WDPCP: variants seen among roughly 807,000 people sequenced by gnomAD.
WDPCP encodes WD repeat containing planar cell polarity effector, also known as WD repeat-containing and planar cell polarity effector protein fritz homolog.
In WDPCP, 71 loss-of-function variants were observed where a neutral mutation model predicts 93.1. That is an observed-to-expected ratio of 0.76 (90% CI 0.63 to 0.93). The LOEUF is 0.93. Among genes scored for constraint, WDPCP ranks in the 40% least tolerant of loss-of-function variants. WDPCP has a pLI of 0.00. For missense variants in WDPCP, 844 were observed against 887.4 expected (o/e 0.95, Z 0.62); for synonymous variants, 315 against 315.0 (o/e 1.00, Z 0.00).
intron 1 of WDPCP, among the ~76,000 whole-genome samples, chr2:63,497,340 T>G (rs1395779715): frequency 6.6e-6 from 1 of 152,112 alleles, no homozygotes; most frequent in African/African-American, 2.4e-5. Flanking sequence ...TGTCCATTAG[T>G]AGATAACTGG....
At chr2:63,531,599 C>G (rs1008876433) in intron 1 of WDPCP, among the ~76,000 whole-genome samples, 2 of 152,180 alleles carry the variant, frequency 1.3e-5, no homozygotes, top group Admixed American at 6.5e-5. Context: ...CTCCAGCAAA[C>G]TCCAACAGAC....
At chr2:63,548,295 G>A (rs1575621491) in intron 1 of WDPCP, among the ~76,000 whole-genome samples, 1 of 151,778 alleles carries the variant, frequency 6.6e-6, no homozygotes, top group East Asian at 1.9e-4. Flanking sequence ...AAGCAAAAAA[G>A]GCTTTTTAAA....
At chr2:63,179,917 A>G (rs994662069) in intron 14 of WDPCP, among the ~76,000 whole-genome samples, 1 of 152,074 alleles carries the variant, frequency 6.6e-6, no homozygotes, top group Admixed American at 6.5e-5. Flanking sequence ...TGTGGCCTTC[A>G]TGTGGTCTGT....
intron 13 of WDPCP, among the ~76,000 whole-genome samples, chr2:63,306,433 A>AT: frequency 6.6e-6 from 1 of 152,338 alleles, no homozygotes; most frequent in South Asian, 2.1e-4. Context: ...CAGAGTCACA[A>AT]CAAAAAAAGA....
intron 1 of WDPCP, among the ~76,000 whole-genome samples, chr2:63,552,275 C>G (rs1009714976): frequency 6.6e-6 from 1 of 151,004 alleles, no homozygotes; most frequent in Non-Finnish European, 1.5e-5. Context: ...TATTCTTTCT[C>G]TTTTATGTTG....
At chr2:63,415,559 T>C (rs1695355984) in intron 9 of WDPCP, among the ~76,000 whole-genome samples, 2 of 152,224 alleles carry the variant, frequency 1.3e-5, no homozygotes, top group Admixed American at 1.3e-4. Flanking sequence ...AGAGATGGTA[T>C]AAATTGCACC....
chr2:63,230,254 T>G (rs1452616279), intron 14 of WDPCP, among the ~76,000 whole-genome samples: 1 of 151,956 alleles, frequency 6.6e-6, no homozygotes, highest in African/African-American at 2.4e-5. Context: ...GTCCCTACAA[T>G]GGACATGAAC....
chr2:63,417,658 T>C (rs1276121761), intron 9 of WDPCP, among the ~76,000 whole-genome samples: 1 of 150,610 alleles, frequency 6.6e-6, no homozygotes, highest in Admixed American at 6.6e-5. Flanking sequence ...TATAAATAAT[T>C]TGATTCACAC....
At chr2:63,326,566 A>C (rs1575148783) in intron 12 of WDPCP, among the ~76,000 whole-genome samples, 1 of 8,202 alleles carries the variant, frequency 1.2e-4, no homozygotes. Context: ...GGGAGTCAGA[A>C]AGAAAGAAAG....
chr2:63,202,764 C>T (rs565039868), intron 14 of WDPCP, among the ~76,000 whole-genome samples: 1 of 152,246 alleles, frequency 6.6e-6, no homozygotes, highest in South Asian at 2.1e-4. Flanking sequence ...CAAGACTGCG[C>T]ATCACATTAC....
At chr2:63,497,651 T>G (rs1472981907) in intron 1 of WDPCP, among the ~76,000 whole-genome samples, 1 of 152,210 alleles carries the variant, frequency 6.6e-6, no homozygotes, top group Admixed American at 6.5e-5. Flanking sequence ...TTATATGTCA[T>G]GCAGGTTTTC....
At chr2:63,777,426 C>A (rs185822699) in intron 2 of WDPCP, among the ~76,000 whole-genome samples, 1 of 152,052 alleles carries the variant, frequency 6.6e-6, no homozygotes, top group African/African-American at 2.4e-5. Flanking sequence ...TTAAACATAC[C>A]GCTACCATAT....
chr2:63,318,423 C>A (rs1339284729), intron 12 of WDPCP, among the ~76,000 whole-genome samples: 1 of 152,096 alleles, frequency 6.6e-6, no homozygotes. Context: ...TGAGTATATA[C>A]CCAAAGGAAT....
intron 9 of WDPCP, among the ~76,000 whole-genome samples, chr2:63,406,126 G>C (rs1229871449): frequency 6.6e-6 from 1 of 152,094 alleles, no homozygotes; most frequent in African/African-American, 2.4e-5. Flanking sequence ...CTGTGTGGCA[G>C]AGTGCTGGAT....
At chr2:63,384,661 G>A (rs983351747) in intron 10 of WDPCP, among the ~76,000 whole-genome samples, 3 of 151,822 alleles carry the variant, frequency 2.0e-5, no homozygotes, top group Admixed American at 6.6e-5. Flanking sequence ...TAAGGCGGGA[G>A]GACTGCTTGA....
chr2:63,455,193 A>G (rs1489745171), intron 6 of WDPCP, among the ~76,000 whole-genome samples: 1 of 152,048 alleles, frequency 6.6e-6, no homozygotes, highest in Non-Finnish European at 1.5e-5. Context: ...GCAATCCACA[A>G]AGACAGTCAG....
At chr2:63,194,733 A>G (rs1675292180) in intron 14 of WDPCP, among the ~76,000 whole-genome samples, 1 of 152,180 alleles carries the variant, frequency 6.6e-6, no homozygotes, top group Non-Finnish European at 1.5e-5. Flanking sequence ...TGATTGATAC[A>G]TTGAGTTTCA....
intron 12 of WDPCP, among the ~76,000 whole-genome samples, chr2:63,337,848 A>AT (rs562579069): frequency 1.8e-4 from 27 of 151,858 alleles, no homozygotes; most frequent in African/African-American, 3.1e-4. Flanking sequence ...AAAAAATAGG[A>AT]TTTTTTTTGC....
chr2:63,723,365 A>T (rs561158385), intron 2 of WDPCP, among the ~76,000 whole-genome samples: 26 of 151,796 alleles, frequency 1.7e-4, no homozygotes, highest in Admixed American at 1.5e-3. Context: ...TTCAGATTTC[A>T]AAGTATATGT....
Sources: allele counts gnomAD v4.1 joint callset (sites outside exome capture counted in the v4.1 genomes callset), GRCh38; gene constraint gnomAD v4.1.1; transcripts MANE v1.5; gene names NCBI Gene and HGNC (gene_info 2026-07-23, HGNC 2026-07-21).